The following KLF11 variants were observed in gnomAD, a reference collection of about 807,000 sequenced individuals.
KLF11 encodes the protein Krueppel-like factor 11.
KLF11 carries 26 observed loss-of-function variants against 29.9 expected under a neutral mutation model. The observed-to-expected ratio is 0.87, with a 90% confidence interval of 0.64 to 1.21. KLF11 has a LOEUF of 1.21. Among genes scored for constraint, KLF11 ranks in the 50% most tolerant of loss-of-function variants. KLF11 has a pLI of 0.00. For synonymous variants in KLF11, 318 were observed against 257.4 expected (o/e 1.24, Z -2.25); for missense variants, 778 against 665.7 (o/e 1.17, Z -1.86).
rs1033487145 is a variant in KLF11, at chr2:10,048,036, C to G, written c.699C>G (p.Pro233=). ...GCACTAACTTGGTGTCCTGTCAGCC[C>G]TGCTTGCACAAGTCTGGTGGCCTGC... is the stretch of plus-strand genomic sequence containing the variant. The part of the protein sequence containing the change: ...LLSTNLVSCQ[P]CLHKSGGLLL... The change falls in exon 3 of 4, where the codon CCC becomes CCG. Residue 233 remains proline (P), a synonymous_variant. Transcript: ENST00000305883. 1 of 1,614,110 alleles carries G rather than the reference C, an allele frequency of 6.2e-7. No homozygotes were observed. The highest frequency in any genetic ancestry group is 8.5e-7 in the Non-Finnish European group (1 of 1,180,056).
In KLF11 at chr2:10,043,749, C is replaced by T. The variant is rs769096990; in HGVS notation, c.33C>T (p.Asp11=). The part of the protein sequence containing the change: MHTPDFAGPD[D]ARAVDIMDIC... Reference sequence around the variant, plus strand: ...CGCCGGACTTCGCAGGCCCAGACGACGCGCGCGCAGTGAGTGGTGGGGCTG... The same window carrying T: ...CGCCGGACTTCGCAGGCCCAGACGATGCGCGCGCAGTGAGTGGTGGGGCTG... The change falls in exon 1 of 4, where the codon GAC becomes GAT. Residue 11 remains aspartate, a synonymous_variant. Transcript: ENST00000305883. The T allele has an allele frequency of 1.4e-4, 193 of 1,380,666 alleles. 2 individuals are homozygous for T. In the African/African-American group the frequency reaches 2.0e-3, roughly 15 times the overall value. 85.5% of individuals were successfully genotyped at this position (1,380,666 alleles called of 1,614,324 possible).
intron 2 of KLF11, 120 bp downstream of exon 2, chr2:10,046,539 T>C (rs1661210070): frequency 1.9e-6 from 2 of 1,077,998 alleles, no homozygotes; most frequent in East Asian, 2.5e-5. Context: ...GCGTATCCTC[T>C]CTGTGTGGGT....
Position 10,048,274 on chromosome 2 carries a change from A to G in KLF11, c.937A>G (p.Thr313Ala). 2 of 1,606,714 alleles carry G rather than the reference A, an allele frequency of 1.2e-6. No individual in the cohort carries two copies. Among genetic ancestry groups the G allele is most frequent in the Non-Finnish European group, 1.7e-6 (2 of 1,175,576 alleles). The change falls in exon 3 of 4, where the codon ACT becomes GCT. Residue 313 changes from threonine to alanine, a missense_variant. By Grantham distance (58) the Thr-to-Ala change is moderately conservative. Coordinates refer to ENST00000305883, the MANE Select transcript of KLF11 (RefSeq NM_003597.5). ...LKPPPQLSVG[T>A]VRPILAQAAP... is the part of the protein sequence containing the mutation. Reference sequence around the variant, plus strand: ...GCCCCCTCCCCAGTTGTCTGTGGGGACTGTGAGACCCATCCTAGCTCAGGC... The same window carrying G: ...GCCCCCTCCCCAGTTGTCTGTGGGGGCTGTGAGACCCATCCTAGCTCAGGC...
rs908034123 is a variant in KLF11, at chr2:10,054,248, A to G, written c.*1741A>G. On this transcript the variant is annotated 3_prime_UTR_variant, in exon 4 of 4. Transcript: ENST00000305883. ...CTTTCTCCTGCTCATCAAAATCAGC[A>G]TACACATTTTTGACTGTACACACTA... 1.3e-5 allele frequency: 2 copies of G among 152,218 alleles called. No individual in the cohort carries two copies. The highest frequency in any genetic ancestry group is 2.4e-5 in the African/African-American group (1 of 41,446). The allele number at this position is 152,218 out of a possible 1,614,324, so 9.4% of individuals were successfully genotyped here. A position where few individuals can be genotyped will look rare whatever the true frequency, so the allele number is the denominator to read the frequency against.
At chr2:10,052,100 C>A (rs982043146) in intron 3 of KLF11, 127 bp from the exon 4 acceptor site, 3 of 985,988 alleles carry the variant, frequency 3.0e-6, no homozygotes, top group Admixed American at 1.8e-5. Flanking sequence ...TCATCCAATT[C>A]CAGAGTAATA....
At chr2:10,052,199 C>CT (rs1342198800) in intron 3 of KLF11, 28 bp from the exon 4 acceptor site, 1 of 1,611,862 alleles carries the variant, frequency 6.2e-7, no homozygotes, top group Non-Finnish European at 8.5e-7. Context: ...TTTCCTTTCT[C>CT]TTTAATATGT....
At chr2:10,046,730 C>T (rs1045965972) in intron 2 of KLF11, among the ~76,000 whole-genome samples, 1 of 152,144 alleles carries the variant, frequency 6.6e-6, no homozygotes, top group African/African-American at 2.4e-5. Context: ...TGGCGGGCGC[C>T]TGTAGTCCCA....
chr2:10,045,713 C>T (rs1036824492), intron 1 of KLF11, among the ~76,000 whole-genome samples: 3 of 152,250 alleles, frequency 2.0e-5, no homozygotes, highest in Non-Finnish European at 2.9e-5. Flanking sequence ...ACTGCTTTGG[C>T]GGCTTTGCCG....
rs1446904576 is a variant in KLF11, at chr2:10,043,616, CG to C, written c.-98del. 1 of 828,784 alleles carries C rather than the reference CG, an allele frequency of 1.2e-6. No homozygotes were observed. The highest frequency in any genetic ancestry group is 1.4e-6 in the Non-Finnish European group (1 of 690,572). 51.3% of individuals were successfully genotyped at this position (828,784 alleles called of 1,614,324 possible). A position where few individuals can be genotyped will look rare whatever the true frequency, so the allele number is the denominator to read the frequency against. On this transcript the variant is annotated 5_prime_UTR_variant, in exon 1 of 4. Transcript: ENST00000305883. Reference sequence around the variant, plus strand: ...AGGCGCGTGCCGGCCGCAGGAGCTCCGGGTTGCCGCCGCCGCCGCCGCCCGC... The same window carrying C: ...AGGCGCGTGCCGGCCGCAGGAGCTCCGGTTGCCGCCGCCGCCGCCGCCCGC...
intron 3 of KLF11, among the ~76,000 whole-genome samples, chr2:10,050,271 C>T (rs1175525645): frequency 1.3e-5 from 2 of 150,470 alleles, no homozygotes; most frequent in African/African-American, 2.5e-5. Context: ...GCTGGGCCTT[C>T]TGGCGCATGC....
At position 10,047,890 on chromosome 2, in the gene KLF11, G is replaced by C; in HGVS notation, c.553G>C (p.Ala185Pro). The change falls in exon 3 of 4, where the codon GCC becomes CCC. Residue 185 changes from alanine (A) to proline (P), a missense_variant. Transcript: ENST00000305883. ...VIRHTGESPA[A>P]CFPTIQTPDC... Reference sequence around the variant, plus strand: ...CCGACACACTGGGGAGAGCCCTGCTGCCTGCTTTCCCACCATCCAGACTCC... The same window carrying C: ...CCGACACACTGGGGAGAGCCCTGCTCCCTGCTTTCCCACCATCCAGACTCC... The C allele has an allele frequency of 6.2e-7, 1 of 1,613,744 alleles. No homozygotes were observed. Among genetic ancestry groups the C allele is most frequent in the African/African-American group, 1.3e-5 (1 of 75,038 alleles).
intron 1 of KLF11, chr2:10,044,490 G>A: frequency 1.0e-6 from 1 of 958,622 alleles, no homozygotes. Flanking sequence ...GACATCACAG[G>A]GGGTTTAGTG....
chr2:10,044,464 C>T (rs866464077), intron 1 of KLF11: 3 of 984,814 alleles, frequency 3.0e-6, no homozygotes, highest in Non-Finnish European at 2.4e-6. Context: ...GAGTCGGCCT[C>T]GGCGCCCGGT....
intron 3 of KLF11, among the ~76,000 whole-genome samples, chr2:10,048,925 T>G (rs1485731847): frequency 6.6e-6 from 1 of 151,728 alleles, no homozygotes; most frequent in Non-Finnish European, 1.5e-5. Flanking sequence ...TTTTTTTTTT[T>G]TTTTTAAAGA....
chr2:10,047,429 C>T (rs1272353464), intron 2 of KLF11, among the ~76,000 whole-genome samples: 2 of 152,158 alleles, frequency 1.3e-5, no homozygotes, highest in Non-Finnish European at 2.9e-5. Context: ...TCTCAGAGTT[C>T]CCTGCACTGG....
Position 10,048,286 on chromosome 2 carries a change from A to G in KLF11, c.949A>G (p.Ile317Val), listed in dbSNP as rs772337993. ...PQLSVGTVRP[I>V]LAQAAPAPQP... is the part of the protein sequence containing the mutation. ...GTTGTCTGTGGGGACTGTGAGACCC[A>G]TCCTAGCTCAGGCTGCTCCAGCGCC... is the stretch of plus-strand genomic sequence containing the variant. Residue 317 changes from isoleucine to valine, a missense_variant, in exon 3 of 4, where the codon ATC becomes GTC. By Grantham distance (29) the Ile-to-Val change is conservative. Coordinates refer to ENST00000305883, the MANE Select transcript of KLF11 (RefSeq NM_003597.5). 4 of 1,602,990 alleles carry G rather than the reference A, an allele frequency of 2.5e-6. No individual in the cohort carries two copies. The Admixed American group carries it at 5.0e-5, about 20-fold the overall frequency.
At chr2:10,047,591 T>A (rs1319892655) in intron 2 of KLF11, 59 bp from the exon 3 acceptor site, 6 of 1,376,588 alleles carry the variant, frequency 4.4e-6, no homozygotes, top group Non-Finnish European at 6.2e-6. Context: ...AGCATTGTGA[T>A]GAATTAAATC....
At position 10,052,352 on chromosome 2, in the gene KLF11, C is replaced by T. The variant is rs753566657; in HGVS notation, c.1384C>T (p.Arg462Cys). ...GTTTGTGTGCCCGGTGTGTGACCGACGTTTCATGCGCAGTGACCACCTGAC... is the reference window on the plus strand; with the variant it reads ...GTTTGTGTGCCCGGTGTGTGACCGATGTTTCATGCGCAGTGACCACCTGAC... ...KKFVCPVCDR[R>C]FMRSDHLTKH... is the part of the protein sequence containing the mutation. The change falls in exon 4 of 4, where the codon CGT (arginine) becomes TGT (cysteine). Residue 462 changes from arginine (R) to cysteine (C), a missense_variant. Coordinates refer to ENST00000305883, the MANE Select transcript of KLF11 (RefSeq NM_003597.5). 5.0e-6 allele frequency: 8 copies of T among 1,613,992 alleles called. No homozygotes were observed. The highest frequency in any genetic ancestry group is 2.7e-5 in the African/African-American group (2 of 74,890).
Position 10,052,941 on chromosome 2 carries a change from C to A in KLF11, c.*434C>A. On this transcript the variant is annotated 3_prime_UTR_variant, in exon 4 of 4. Transcript: ENST00000305883. ...ACCAATTTCTAGCTAGATCATTTTG[C>A]AGCCTTCTTTTCAGTGTTTAATAAC... 1 of 333,736 alleles carries A rather than the reference C, an allele frequency of 3.0e-6. No homozygotes were observed. Among genetic ancestry groups the A allele is most frequent in the Non-Finnish European group, 5.4e-6 (1 of 186,280 alleles). 20.7% of individuals were successfully genotyped at this position (333,736 alleles called of 1,614,324 possible).
Sources: allele counts gnomAD v4.1 joint callset (sites outside exome capture counted in the v4.1 genomes callset), GRCh38; gene constraint gnomAD v4.1.1; transcripts MANE v1.5; gene names NCBI Gene and HGNC (gene_info 2026-07-23, HGNC 2026-07-21).